HDAC9: variants seen among roughly 807,000 people sequenced by gnomAD.
HDAC9 encodes the protein histone deacetylase 9.
A neutral mutation model predicts 139.4 loss-of-function variants in HDAC9; 41 were observed. That is an observed-to-expected ratio of 0.29 (90% confidence interval 0.23 to 0.38). The LOEUF (loss-of-function observed/expected upper bound fraction) is 0.38, where lower values mean the gene tolerates loss of function less well. Ranked by LOEUF, HDAC9 falls within the 10% of genes least tolerant of loss-of-function variation. The probability of loss-of-function intolerance (pLI) is 1.00; values close to 1 mark genes in which losing one functional copy is unlikely to be tolerated. For synonymous variants in HDAC9, 517 were observed against 476.2 expected (o/e 1.09, Z -1.12); for missense variants, 1,147 against 1,297.0 (o/e 0.88, Z 1.78).
rs1796808536 is a variant in HDAC9, at chr7:18,495,883, A to G, written c.-182A>G. 8.8e-7 allele frequency: 1 copy of G among 1,135,326 alleles called. No individual in the cohort carries two copies. Among genetic ancestry groups the G allele is most frequent in the Non-Finnish European group, 1.1e-6 (1 of 927,568 alleles). 70.3% of individuals were successfully genotyped at this position (1,135,326 alleles called of 1,614,324 possible). ...TAATTGGTTTCTTTTTCTCGTGGGT[A>G]GACTTAATAATTTTCTACGTATTCT... On this transcript the variant is annotated 5_prime_UTR_variant, in exon 1 of 26. Coordinates refer to ENST00000686413, the MANE Select transcript of HDAC9 (RefSeq NM_178425.4).
intron 2 of HDAC9, among the ~76,000 whole-genome samples, chr7:18,229,591 A>T (rs75944396): frequency 6.6e-6 from 1 of 152,162 alleles, no homozygotes; most frequent in Non-Finnish European, 1.5e-5. Context: ...GATGGCAAAG[A>T]TGTCTTTCAA....
chr7:18,639,181 C>G (rs1562696797), intron 8 of HDAC9, among the ~76,000 whole-genome samples: 1 of 151,946 alleles, frequency 6.6e-6, no homozygotes, highest in Non-Finnish European at 1.5e-5. Flanking sequence ...CTTGTTTTGC[C>G]CCAATCTCAC....
At chr7:18,913,765 A>G (rs187002607) in intron 22 of HDAC9, among the ~76,000 whole-genome samples, 1 of 152,202 alleles carries the variant, frequency 6.6e-6, no homozygotes, top group East Asian at 1.9e-4. Flanking sequence ...TGAATGGATT[A>G]AAAAACAGTT....
rs1788521798 is a variant in HDAC9 at position 18,411,287 on chromosome 7, A to G, written c.-41-84975A>G. ...GACTTTACGGTGGTACAAAAGTAAT[A>G]CACCTTCAGCAGAAATCAAACTGCA... is the stretch of plus-strand genomic sequence containing the variant. On this transcript the variant is annotated intron_variant, in intron 1 of 3. Transcript: ENST00000413509. 2.0e-5 allele frequency among the ~76,000 whole-genome samples: 3 copies of G among 152,200 alleles called. No individual in the cohort carries two copies. The South Asian group carries it at 6.2e-4, about 31-fold the overall frequency.
rs1269206654 is a variant in HDAC9 at position 18,603,049 on chromosome 7, A to G, written c.664+9020A>G. 4.6e-5 allele frequency among the ~76,000 whole-genome samples: 7 copies of G among 152,228 alleles called. No individual in the cohort carries two copies. In the East Asian group the frequency reaches 1.3e-3, roughly 29 times the overall value. On this transcript the variant is annotated intron_variant, in intron 6 of 25. Transcript: ENST00000686413. ...ACTGTGACTATTTTATCAATATGTA[A>G]CAAACACCACTTTTATCTTCGATAA...
chr7:18,690,768 CAA>C (rs1382960643), intron 12 of HDAC9, among the ~76,000 whole-genome samples: 1 of 151,966 alleles, frequency 6.6e-6, no homozygotes, highest in African/African-American at 2.4e-5. Flanking sequence ...ATTTTGCAAA[CAA>C]GACGTACGGC....
At chr7:18,467,070 C>T (rs1340670983) in intron 1 of HDAC9, among the ~76,000 whole-genome samples, 2 of 152,194 alleles carry the variant, frequency 1.3e-5, no homozygotes, top group Non-Finnish European at 2.9e-5. Flanking sequence ...CAAGACCCAT[C>T]TGTAAAACTA....
At chr7:18,225,189 G>A (rs1792972217) in intron 2 of HDAC9, among the ~76,000 whole-genome samples, 1 of 152,118 alleles carries the variant, frequency 6.6e-6, no homozygotes, top group Admixed American at 6.5e-5. Context: ...AAACAGAACT[G>A]GAAGATTTCT....
chr7:18,376,223 A>G (rs1026674826), intron 1 of HDAC9, among the ~76,000 whole-genome samples: 3 of 152,176 alleles, frequency 2.0e-5, no homozygotes, highest in African/African-American at 7.2e-5. Context: ...ATGAAAGAAG[A>G]GAAGTGGGTA....
intron 17 of HDAC9, among the ~76,000 whole-genome samples, chr7:18,810,032 C>T (rs994725902): frequency 6.6e-6 from 1 of 151,868 alleles, no homozygotes; most frequent in African/African-American, 2.4e-5. Flanking sequence ...GAATCTTATT[C>T]AGCCTTTAAA....
intron 2 of HDAC9, among the ~76,000 whole-genome samples, chr7:18,257,469 A>T (rs1795352302): frequency 6.6e-6 from 1 of 151,808 alleles, no homozygotes; most frequent in African/African-American, 2.4e-5. Context: ...GCATAAATTA[A>T]AGATGAAGTT....
intron 22 of HDAC9, among the ~76,000 whole-genome samples, chr7:18,880,489 C>A (rs906944557): frequency 5.9e-5 from 9 of 152,060 alleles, no homozygotes; most frequent in Admixed American, 3.3e-4. Context: ...AGAACAAGCT[C>A]ATGTCTTTTG....
chr7:18,389,999 A>C (rs1294888179), intron 1 of HDAC9, among the ~76,000 whole-genome samples: 1 of 151,216 alleles, frequency 6.6e-6, no homozygotes, highest in Non-Finnish European at 1.5e-5. Context: ...TGTTCTGAAA[A>C]AATAAGATAT....
chr7:18,705,806 T>C (rs1022790103), intron 12 of HDAC9, among the ~76,000 whole-genome samples: 1 of 139,768 alleles, frequency 7.2e-6, no homozygotes, highest in Non-Finnish European at 1.5e-5. Flanking sequence ...TGAGCCGAGA[T>C]GGCACCATTG....
intron 1 of HDAC9, among the ~76,000 whole-genome samples, chr7:18,473,564 A>G (rs1361882179): frequency 6.6e-6 from 1 of 152,272 alleles, no homozygotes; most frequent in Non-Finnish European, 1.5e-5. Context: ...AGCATAACTC[A>G]TTAAGACAAC....
chr7:18,139,121 CTTTTTTTT>C (rs552350047), intron 1 of HDAC9, among the ~76,000 whole-genome samples: 2 of 105,922 alleles, frequency 1.9e-5, no homozygotes, highest in Non-Finnish European at 3.8e-5. Flanking sequence ...ATAATCTGGA[CTTTTTTTT>C]TTTTTTTTTT....
chr7:18,575,920 C>G (rs942123595), intron 2 of HDAC9, among the ~76,000 whole-genome samples: 2 of 152,170 alleles, frequency 1.3e-5, no homozygotes, highest in African/African-American at 4.8e-5. Context: ...AACATAGTCT[C>G]TGCCCTCATG....
rs892620183 is a variant in HDAC9, at chr7:18,793,562, G to A, written c.2322+110G>A. Reference sequence around the variant, plus strand: ...TGGCGTGGTAATAAAAGGAAGGGCAGAAGGAAGAGGGTAGAGATGGCCACT... The same window carrying A: ...TGGCGTGGTAATAAAAGGAAGGGCAAAAGGAAGAGGGTAGAGATGGCCACT... On this transcript the variant is annotated intron_variant, in intron 17 of 25. Coordinates refer to ENST00000686413, the MANE Select transcript of HDAC9 (RefSeq NM_178425.4). The A allele has an allele frequency of 2.4e-5, 18 of 752,826 alleles. No homozygotes were observed. In the African/African-American group the frequency reaches 2.8e-4, roughly 12 times the overall value. 46.6% of individuals were successfully genotyped at this position (752,826 alleles called of 1,614,324 possible).
intron 2 of HDAC9, among the ~76,000 whole-genome samples, chr7:18,207,907 T>A (rs1791655791): frequency 6.6e-6 from 1 of 151,642 alleles, no homozygotes. Context: ...AGAGATGGGG[T>A]TTCTCCATGT....
Sources: gnomAD v4.1 joint callset for allele counts (sites outside exome capture counted in the v4.1 genomes callset) on GRCh38, gnomAD v4.1.1 for gene constraint, MANE v1.5 for transcripts, NCBI Gene and HGNC (gene_info 2026-07-23, HGNC 2026-07-21) for gene names.